SASH1: variants seen among roughly 807,000 people sequenced by gnomAD.
SASH1 encodes the protein SAM and SH3 domain-containing protein 1.
SASH1 carries 44 observed loss-of-function variants against 125.2 expected under a neutral mutation model. The ratio of observed to expected loss-of-function variants is 0.35; its 90% confidence interval spans 0.28 to 0.45. The LOEUF is 0.45. Ranked by LOEUF, SASH1 falls within the 20% of genes least tolerant of loss-of-function variation. SASH1 has a pLI of 1.00. For synonymous variants in SASH1, 639 were observed against 649.1 expected (o/e 0.98, Z 0.24); for missense variants, 1,426 against 1,614.5 (o/e 0.88, Z 2.00).
Position 148,322,308 on chromosome 6 carries a change from C to T in SASH1, n.74+49931C>T, listed in dbSNP as rs998409021. Among the ~76,000 whole-genome samples, 13 of 152,112 alleles carry T rather than the reference C, an allele frequency of 8.5e-5. 1 individual carries two copies. Among genetic ancestry groups the T allele is most frequent in the East Asian group, 3.9e-4 (2 of 5,182 alleles). On this transcript the variant is annotated intron_variant and non_coding_transcript_variant, in intron 1 of 3. Coordinates refer to the SASH1 transcript ENST00000367469. Reference sequence around the variant, plus strand: ...TGGAGATTGCATTGAGCCGAGACTGCGCCACTGCACTCCAGCCTGGGCAAT... The same window carrying T: ...TGGAGATTGCATTGAGCCGAGACTGTGCCACTGCACTCCAGCCTGGGCAAT...
chr6:148,314,630 T>C (rs1035259913), intron 1 of SASH1, among the ~76,000 whole-genome samples: 1 of 152,200 alleles, frequency 6.6e-6, no homozygotes, highest in Non-Finnish European at 1.5e-5. Context: ...AGGCATTCTT[T>C]GTATTTTCTT....
chr6:148,369,705 G>C (rs1782632416), intron 1 of SASH1, among the ~76,000 whole-genome samples: 1 of 152,042 alleles, frequency 6.6e-6, no homozygotes, highest in Admixed American at 6.6e-5. Flanking sequence ...TGCGATCCTG[G>C]CACTTTGGGA....
chr6:148,362,568 A>T (rs1330304992), intron 1 of SASH1, among the ~76,000 whole-genome samples: 2 of 150,722 alleles, frequency 1.3e-5, no homozygotes, highest in African/African-American at 4.9e-5. Context: ...TTTTTTTGAA[A>T]GTGAGGTGAG....
intron 1 of SASH1, among the ~76,000 whole-genome samples, chr6:148,284,237 G>A (rs755453787): frequency 3.3e-5 from 5 of 152,074 alleles, no homozygotes; most frequent in African/African-American, 7.2e-5. Context: ...TCAGGAGTTC[G>A]AGACCAGCCT....
At chr6:148,194,693 G>A in the SASH1 span, among the ~76,000 whole-genome samples, 1 of 152,212 alleles carries the variant, frequency 6.6e-6, no homozygotes, top group Non-Finnish European at 1.5e-5. Flanking sequence ...GGATCACGAG[G>A]TCAGGAGATC....
chr6:148,423,644 C>A (rs1223231586), intron 2 of SASH1, among the ~76,000 whole-genome samples: 1 of 152,136 alleles, frequency 6.6e-6, no homozygotes, highest in African/African-American at 2.4e-5. Flanking sequence ...ACATGAAAGC[C>A]TTTAATTTTT....
At chr6:148,402,919 A>AT (rs1199063691) in intron 2 of SASH1, among the ~76,000 whole-genome samples, 1 of 151,992 alleles carries the variant, frequency 6.6e-6, no homozygotes, top group African/African-American at 2.4e-5. Context: ...CAAAAACGAC[A>AT]TTTTTAAAAG....
intron 1 of SASH1, among the ~76,000 whole-genome samples, chr6:148,361,766 A>G (rs976071913): frequency 3.1e-4 from 47 of 152,072 alleles, no homozygotes; most frequent in African/African-American, 1.1e-3. Flanking sequence ...GACTCAGGAA[A>G]CATTTATCAG....
the SASH1 span, among the ~76,000 whole-genome samples, chr6:148,227,601 G>T: frequency 1.3e-5 from 2 of 152,150 alleles, no homozygotes; most frequent in African/African-American, 4.8e-5. Context: ...CAGGTGATTT[G>T]CCTGCTTTGG....
At chr6:148,545,935 C>G in intron 18 of SASH1, 80 bp from the exon 19 acceptor site, 1 of 1,384,496 alleles carries the variant, frequency 7.2e-7, no homozygotes, top group Admixed American at 2.0e-5. Context: ...TGAGACCCTA[C>G]GTTATATGTG....
intron 4 of SASH1, among the ~76,000 whole-genome samples, chr6:148,456,436 C>T (rs1777356558): frequency 6.6e-6 from 1 of 152,230 alleles, no homozygotes; most frequent in Non-Finnish European, 1.5e-5. Context: ...CCCTGCCAGC[C>T]TCAGCCACAT....
At chr6:148,310,262 C>T (rs1398120084) in intron 1 of SASH1, among the ~76,000 whole-genome samples, 1 of 152,052 alleles carries the variant, frequency 6.6e-6, no homozygotes, top group Non-Finnish European at 1.5e-5. Context: ...ACGGAGGTTG[C>T]AGTAAGCCAA....
chr6:148,525,021 TA>T (rs113815518), intron 10 of SASH1: 25 of 409,954 alleles, frequency 6.1e-5, no homozygotes, highest in South Asian at 1.7e-4. Context: ...TTAGGCTTTT[TA>T]AAAAAAATGG....
chr6:148,238,151 G>A, the SASH1 span, among the ~76,000 whole-genome samples: 1 of 151,992 alleles, frequency 6.6e-6, no homozygotes, highest in East Asian at 1.9e-4. Context: ...TTAAATTACA[G>A]CTATCACCTT....
intron 2 of SASH1, among the ~76,000 whole-genome samples, chr6:148,410,333 A>G (rs1583108305): frequency 6.6e-6 from 1 of 151,468 alleles, no homozygotes; most frequent in Admixed American, 6.6e-5. Context: ...CTGGTCTCGA[A>G]CCCCTGACCT....
At chr6:148,284,205 G>A (rs780255408) in intron 1 of SASH1, among the ~76,000 whole-genome samples, 8 of 152,274 alleles carry the variant, frequency 5.3e-5, no homozygotes, top group South Asian at 2.1e-4. Context: ...TTGGGAGGCC[G>A]AGGCGGGCAG....
At chr6:148,274,738 C>T (rs1402098073) in intron 1 of SASH1, among the ~76,000 whole-genome samples, 1 of 152,128 alleles carries the variant, frequency 6.6e-6, no homozygotes, top group African/African-American at 2.4e-5. Flanking sequence ...AATTAATCTA[C>T]CTGATTAATT....
chr6:148,549,496 C>G lies in SASH1; in HGVS notation c.*938C>G, dbSNP rs1028877491. ...AGTATCGTTACTGTGTGGATCGTCG[C>G]GCTGCAGTATTGACTTGGAATCCTG... On this transcript the variant is annotated 3_prime_UTR_variant, in exon 20 of 20. Coordinates refer to ENST00000367467, the MANE Select transcript of SASH1 (RefSeq NM_015278.5). 3 of 394,984 alleles carry G rather than the reference C, an allele frequency of 7.6e-6. No homozygotes were observed. In the South Asian group the frequency reaches 3.9e-4, roughly 51 times the overall value. 24.5% of individuals were successfully genotyped at this position (394,984 alleles called of 1,614,324 possible). A position where few individuals can be genotyped will look rare whatever the true frequency, so the allele number is the denominator to read the frequency against.
At chr6:148,233,740 T>TAAAAAAAAAAAAA in the SASH1 span, among the ~76,000 whole-genome samples, 3 of 11,698 alleles carry the variant, frequency 2.6e-4, no homozygotes, top group Admixed American at 2.9e-3. Context: ...GCTTCCTCTC[T>TAAAAAAAAAAAAA]ACAAAAAAAA....
Sources: gnomAD v4.1 joint callset for allele counts (sites outside exome capture counted in the v4.1 genomes callset) on GRCh38, gnomAD v4.1.1 for gene constraint, MANE v1.5 for transcripts, NCBI Gene and HGNC (gene_info 2026-07-23, HGNC 2026-07-21) for gene names.